ARHGAP44: variants seen among roughly 807,000 people sequenced by gnomAD.
ARHGAP44 encodes Rho GTPase activating protein 44, also known as rho GTPase-activating protein 44.
In ARHGAP44, 43 loss-of-function variants were observed where a neutral mutation model predicts 106.8. That is an observed-to-expected ratio of 0.40 (90% CI 0.32 to 0.52). The LOEUF is 0.52. Ranked by LOEUF, ARHGAP44 falls within the 20% of genes least tolerant of loss-of-function variation. The pLI, the probability that ARHGAP44 is intolerant of heterozygous loss-of-function variation, is 0.48. For synonymous variants in ARHGAP44, 439 were observed against 410.3 expected (o/e 1.07, Z -0.85); for missense variants, 866 against 1,050.5 (o/e 0.82, Z 2.43).
chr17:12,976,486 G>A (rs2039685396), intron 18 of ARHGAP44, among the ~76,000 whole-genome samples: 1 of 151,664 alleles, frequency 6.6e-6, no homozygotes, highest in Non-Finnish European at 1.5e-5. Context: ...AGTGGTATAT[G>A]TCTATAGTCC....
At chr17:12,794,538 A>C (rs1484632964) in intron 1 of ARHGAP44, among the ~76,000 whole-genome samples, 1 of 152,146 alleles carries the variant, frequency 6.6e-6, no homozygotes, top group Non-Finnish European at 1.5e-5. Flanking sequence ...TCTTGTTTAA[A>C]ATGAGTGATG....
At chr17:12,964,616 A>G (rs1198485187) in intron 16 of ARHGAP44, among the ~76,000 whole-genome samples, 1 of 152,114 alleles carries the variant, frequency 6.6e-6, no homozygotes, top group African/African-American at 2.4e-5. Context: ...CCTCATCTCT[A>G]CTAAAAATAC....
intron 7 of ARHGAP44, 104 bp downstream of exon 7, chr17:12,929,150 T>A: frequency 1.8e-6 from 2 of 1,095,290 alleles, no homozygotes; most frequent in Non-Finnish European, 2.7e-6. Flanking sequence ...AGTGAGGCTC[T>A]AGTTGAACTG....
intron 6 of ARHGAP44, among the ~76,000 whole-genome samples, chr17:12,922,613 A>G (rs2038116251): frequency 1.3e-5 from 2 of 152,196 alleles, no homozygotes; most frequent in African/African-American, 4.8e-5. Context: ...AGCAGGCTGA[A>G]TGCTAGTATC....
chr17:12,854,766 C>G (rs912751494), intron 1 of ARHGAP44, among the ~76,000 whole-genome samples: 2 of 152,014 alleles, frequency 1.3e-5, no homozygotes, highest in Non-Finnish European at 1.5e-5. Flanking sequence ...CGAGACCAGT[C>G]TGACCAACAT....
chr17:12,950,996 C>T (rs953203129), intron 12 of ARHGAP44, among the ~76,000 whole-genome samples: 1 of 152,128 alleles, frequency 6.6e-6, no homozygotes, highest in African/African-American at 2.4e-5. Context: ...AAGCCAGGCT[C>T]AAATGTGTAG....
chr17:12,916,131 T>C (rs2150950336), intron 5 of ARHGAP44, 120 bp downstream of exon 5: 1 of 792,048 alleles, frequency 1.3e-6, no homozygotes, highest in East Asian at 2.7e-5. Context: ...AACATTGTTT[T>C]TCATCAGGGA....
At chr17:12,960,251 C>T (rs2039228633) in intron 16 of ARHGAP44, among the ~76,000 whole-genome samples, 1 of 150,390 alleles carries the variant, frequency 6.6e-6, no homozygotes, top group Non-Finnish European at 1.5e-5. Context: ...GAAAAAATGT[C>T]TTTCTTTTTT....
intron 16 of ARHGAP44, 84 bp from the exon 17 acceptor site, chr17:12,973,218 A>G: frequency 7.2e-7 from 1 of 1,394,082 alleles, no homozygotes; most frequent in Non-Finnish European, 1.0e-6. Flanking sequence ...ATGGAGAGAG[A>G]CCCCTTACAG....
chr17:12,884,414 AT>A (rs1484991702), intron 1 of ARHGAP44, among the ~76,000 whole-genome samples: 5 of 152,136 alleles, frequency 3.3e-5, no homozygotes, highest in Non-Finnish European at 7.4e-5. Context: ...TGTAATGTTT[AT>A]TACATTTTAG....
chr17:12,986,288 A>T (rs2039954669), intron 20 of ARHGAP44: 1 of 152,146 alleles, frequency 6.6e-6, no homozygotes, highest in Non-Finnish European at 1.5e-5. Flanking sequence ...TGTCTCCTGA[A>T]GGAGCCCATG....
intron 1 of ARHGAP44, among the ~76,000 whole-genome samples, chr17:12,879,683 G>GTATATATATA (rs533622463): frequency 8.8e-6 from 1 of 113,334 alleles, no homozygotes; most frequent in African/African-American, 2.7e-5. Flanking sequence ...GTGTGTATGT[G>GTATATATATA]TATATATATA....
At chr17:12,826,269 C>T (rs899491438) in intron 1 of ARHGAP44, among the ~76,000 whole-genome samples, 1 of 151,974 alleles carries the variant, frequency 6.6e-6, no homozygotes, top group East Asian at 1.9e-4. Context: ...TGTGTTGATC[C>T]CCTCTATGTG....
At chr17:12,915,215 T>G (rs898775234) in intron 4 of ARHGAP44, among the ~76,000 whole-genome samples, 1 of 152,192 alleles carries the variant, frequency 6.6e-6, no homozygotes. Flanking sequence ...AGTTTGATAT[T>G]TTTAGTAGAG....
chr17:12,842,551 C>G (rs1567643151), intron 1 of ARHGAP44, among the ~76,000 whole-genome samples: 2 of 152,114 alleles, frequency 1.3e-5, no homozygotes, highest in Non-Finnish European at 2.9e-5. Context: ...TCAGAACCAC[C>G]TGGAGGACTC....
At chr17:12,821,461 T>C (rs2150796899) in intron 1 of ARHGAP44, among the ~76,000 whole-genome samples, 1 of 152,298 alleles carries the variant, frequency 6.6e-6, no homozygotes, top group Middle Eastern at 3.4e-3. Context: ...AGCTGTGATA[T>C]CCTTAAGGCA....
At chr17:12,929,071 T>C (rs752384552) in intron 7 of ARHGAP44, 25 bp downstream of exon 7, 7 of 1,586,814 alleles carry the variant, frequency 4.4e-6, no homozygotes, top group Non-Finnish European at 6.0e-6. Flanking sequence ...TGCTCCTCTC[T>C]ACTGGGACAG....
chr17:12,908,396 C>T (rs866298286), intron 3 of ARHGAP44, among the ~76,000 whole-genome samples: 3 of 152,022 alleles, frequency 2.0e-5, no homozygotes, highest in Non-Finnish European at 4.4e-5. Flanking sequence ...GGGCTTTCAC[C>T]ATGTTGGCCA....
In ARHGAP44 at chr17:12,949,516, A is replaced by G. The variant is rs2038942437; in HGVS notation, c.974-133A>G. 1.2e-6 allele frequency: 1 copy of G among 817,964 alleles called. No homozygotes were observed. Among genetic ancestry groups the G allele is most frequent in the African/African-American group, 1.7e-5 (1 of 58,280 alleles). The allele number at this position is 817,964 out of a possible 1,614,324, so 50.7% of individuals were successfully genotyped here. On this transcript the variant is annotated intron_variant, in intron 11 of 20. Transcript: ENST00000379672. This position sits in a 1 kb window ranked among gnomAD's most constrained non-coding sequence, Gnocchi z 4.1. The stretch of plus-strand genomic sequence containing the variant: ...GAGCCTCATACCCATTTCCATAGGA[A>G]GCTACCATTTGCTGTTGACATGGTG...
Sources: gnomAD v4.1 joint callset for allele counts (sites outside exome capture counted in the v4.1 genomes callset) on GRCh38, gnomAD v4.1.1 for gene constraint, Gnocchi (gnomAD v3.1) non-coding constraint, MANE v1.5 for transcripts, NCBI Gene and HGNC (gene_info 2026-07-23, HGNC 2026-07-21) for gene names.